The following NEK7 variants were observed in gnomAD, a reference collection of about 807,000 sequenced individuals.
NEK7 encodes the protein NIMA related kinase 7.
A neutral mutation model predicts 44.6 loss-of-function variants in NEK7; 18 were observed. The observed-to-expected ratio is 0.40, with a 90% confidence interval of 0.28 to 0.60. The LOEUF is 0.60. Ranked by LOEUF, NEK7 falls within the 20% of genes least tolerant of loss-of-function variation. NEK7 has a pLI of 0.38. For synonymous variants in NEK7, 130 were observed against 121.1 expected, an observed-to-expected ratio of 1.07 and a Z score of -0.48; for missense variants, 256 against 366.5, an observed-to-expected ratio of 0.70 and a Z score of 2.46.
chr1:198,275,302 A>G (rs1396682424), intron 5 of NEK7, among the ~76,000 whole-genome samples: 1 of 151,384 alleles, frequency 6.6e-6, no homozygotes, highest in Non-Finnish European at 1.5e-5. Context: ...TTTATTTTCA[A>G]CTATAAAAAA....
At chr1:198,281,826 T>C (rs1481689135) in intron 7 of NEK7, among the ~76,000 whole-genome samples, 4 of 152,064 alleles carry the variant, frequency 2.6e-5, no homozygotes, top group Admixed American at 6.6e-5. Flanking sequence ...ATCTTTTCAT[T>C]CCATAATAAA....
At chr1:198,161,492 A>G (rs1664105012) in intron 1 of NEK7, among the ~76,000 whole-genome samples, 1 of 152,170 alleles carries the variant, frequency 6.6e-6, no homozygotes, top group African/African-American at 2.4e-5. Flanking sequence ...ATGTGGTGCT[A>G]TGCCATTGAT....
chr1:198,292,078 A>G (rs1242454767), intron 7 of NEK7, among the ~76,000 whole-genome samples: 1 of 152,020 alleles, frequency 6.6e-6, no homozygotes, highest in East Asian at 1.9e-4. Context: ...TTGACTTTCT[A>G]TTTGGCAAAA....
chr1:198,246,894 A>G (rs1413928935), intron 2 of NEK7, among the ~76,000 whole-genome samples: 1 of 152,260 alleles, frequency 6.6e-6, no homozygotes, highest in African/African-American at 2.4e-5. Context: ...AGAAGGATTT[A>G]TACTTATTAG....
chr1:198,294,723 C>A (rs1477055807), intron 8 of NEK7, among the ~76,000 whole-genome samples: 1 of 152,074 alleles, frequency 6.6e-6, no homozygotes, highest in Non-Finnish European at 1.5e-5. Flanking sequence ...AAAATAACAT[C>A]TTTGGACATT....
At chr1:198,270,837 T>A (rs1653812951) in intron 5 of NEK7, among the ~76,000 whole-genome samples, 1 of 152,106 alleles carries the variant, frequency 6.6e-6, no homozygotes, top group African/African-American at 2.4e-5. Context: ...TTACTCTAGA[T>A]TCCTGTGGGT....
chr1:198,207,920 T>C (rs778653428), intron 1 of NEK7, among the ~76,000 whole-genome samples: 1 of 152,224 alleles, frequency 6.6e-6, no homozygotes, highest in African/African-American at 2.4e-5. Context: ...ATATAGTTTT[T>C]CTTTTCCCAG....
At chr1:198,264,539 T>C (rs1314273423) in intron 5 of NEK7, among the ~76,000 whole-genome samples, 1 of 152,044 alleles carries the variant, frequency 6.6e-6, no homozygotes, top group African/African-American at 2.4e-5. Context: ...GAGCAGACCA[T>C]GCTTGATCCT....
intron 1 of NEK7, among the ~76,000 whole-genome samples, chr1:198,177,751 C>T (rs546384410): frequency 2.6e-5 from 4 of 151,896 alleles, no homozygotes; most frequent in East Asian, 3.9e-4. Context: ...CAGCTAACCT[C>T]GGGTTGTGTG....
intron 2 of NEK7, among the ~76,000 whole-genome samples, chr1:198,249,805 G>A (rs200343324): frequency 0.19 from 20,571 of 107,854 alleles, 2,491 homozygotes; most frequent in East Asian, 0.65. Context: ...TCAGATGAGT[G>A]GGTTGCGAAA....
intron 7 of NEK7, among the ~76,000 whole-genome samples, chr1:198,292,027 C>T (rs1162219283): frequency 3.3e-5 from 5 of 151,868 alleles, no homozygotes; most frequent in African/African-American, 7.3e-5. Flanking sequence ...TTTTTGGTAG[C>T]CCTTCCCTCA....
intron 5 of NEK7, among the ~76,000 whole-genome samples, chr1:198,270,983 T>G (rs1202931199): frequency 6.6e-6 from 1 of 152,010 alleles, no homozygotes; most frequent in African/African-American, 2.4e-5. Context: ...CTTGAAGTTG[T>G]ATGGCTAAAG....
intron 1 of NEK7, among the ~76,000 whole-genome samples, chr1:198,172,576 T>C (rs995196912): frequency 2.6e-5 from 4 of 152,242 alleles, no homozygotes; most frequent in African/African-American, 9.6e-5. Flanking sequence ...AGCTGAACTT[T>C]ACATACCATC....
At chr1:198,211,584 A>G (rs1298320220) in intron 1 of NEK7, among the ~76,000 whole-genome samples, 1 of 152,220 alleles carries the variant, frequency 6.6e-6, no homozygotes, top group Admixed American at 6.5e-5. Context: ...TTTAGGAGAC[A>G]ATTTTAGCAT....
chr1:198,275,574 T>C (rs1653992102), intron 5 of NEK7, among the ~76,000 whole-genome samples: 1 of 151,306 alleles, frequency 6.6e-6, no homozygotes. Context: ...TTTCAAACAA[T>C]AATGCTCTTT....
intron 7 of NEK7, among the ~76,000 whole-genome samples, chr1:198,288,624 T>C (rs530120643): frequency 6.6e-6 from 1 of 152,192 alleles, no homozygotes; most frequent in East Asian, 1.9e-4. Flanking sequence ...AACTTCCCTA[T>C]GCCTTCTCTC....
intron 5 of NEK7, among the ~76,000 whole-genome samples, chr1:198,275,288 A>G (rs1653979836): frequency 1.3e-5 from 2 of 151,214 alleles, no homozygotes; most frequent in South Asian, 4.1e-4. Context: ...AAATTTTCAG[A>G]TACTTTATTT....
At chr1:198,297,369 T>C (rs1357324705) in intron 9 of NEK7, 129 bp downstream of exon 9, 1 of 1,133,694 alleles carries the variant, frequency 8.8e-7, no homozygotes, top group African/African-American at 1.6e-5. Flanking sequence ...ACTTTTTAAT[T>C]CTGTTTTCAT....
intron 1 of NEK7, among the ~76,000 whole-genome samples, chr1:198,215,596 A>ACTAAAAG (rs1373090735): frequency 1.3e-5 from 2 of 152,152 alleles, no homozygotes; most frequent in Non-Finnish European, 2.9e-5. Context: ...ACACCTCTTA[A>ACTAAAAG]CTAAAAGATA....
Sources: allele counts gnomAD v4.1 joint callset (sites outside exome capture counted in the v4.1 genomes callset), GRCh38; gene constraint gnomAD v4.1.1; transcripts MANE v1.5; gene names NCBI Gene and HGNC (gene_info 2026-07-23, HGNC 2026-07-21).